TNNT3: variants seen among roughly 807,000 people sequenced by gnomAD.
TNNT3 encodes troponin T, fast skeletal muscle.
TNNT3 carries 36 observed loss-of-function variants against 54.2 expected under a neutral mutation model. The ratio of observed to expected loss-of-function variants is 0.66; its 90% CI spans 0.51 to 0.88. The LOEUF is 0.88. Ranked by LOEUF, TNNT3 falls within the 40% of genes least tolerant of loss-of-function variation. The pLI is 0.00. For synonymous variants in TNNT3, 120 were observed against 109.7 expected (o/e 1.09, Z -0.59); for missense variants, 291 against 331.6 (o/e 0.88, Z 0.95).
At chr11:1,934,298 A>G in intron 11 of TNNT3, 34 bp from the exon 12 acceptor site, 10 of 1,589,254 alleles carry the variant, frequency 6.3e-6, no homozygotes, top group Non-Finnish European at 8.6e-6. Flanking sequence ...CCCTCTCTCC[A>G]TCCCTGAGCA....
intron 11 of TNNT3, 150 bp from the exon 12 acceptor site, chr11:1,934,181 TG>T: frequency 9.5e-7 from 1 of 1,053,078 alleles, no homozygotes; most frequent in Non-Finnish European, 1.4e-6. Context: ...AAACAAATCC[TG>T]GCCAAGACCT....
At chr11:1,938,360 G>A in intron 15 of TNNT3, 78 bp from the exon 16 acceptor site, 1 of 1,521,628 alleles carries the variant, frequency 6.6e-7, no homozygotes, top group Non-Finnish European at 9.1e-7. Flanking sequence ...CGGGCTGAGA[G>A]TCCGCCCAGG....
intron 4 of TNNT3, among the ~76,000 whole-genome samples, chr11:1,924,645 G>A (rs980994203): frequency 7.2e-5 from 11 of 152,196 alleles, no homozygotes; most frequent in African/African-American, 1.7e-4. Flanking sequence ...AAGGGTCTTC[G>A]TGCGACATGT....
At chr11:1,920,997 A>T (rs1050032756) in intron 1 of TNNT3, among the ~76,000 whole-genome samples, 2 of 152,024 alleles carry the variant, frequency 1.3e-5, no homozygotes, top group Non-Finnish European at 2.9e-5. Flanking sequence ...GGGGGCCTGG[A>T]GGTCACCCTG....
intron 15 of TNNT3, among the ~76,000 whole-genome samples, chr11:1,937,566 G>A (rs965347330): frequency 2.0e-5 from 3 of 152,198 alleles, no homozygotes; most frequent in Admixed American, 1.3e-4. Flanking sequence ...GCTGCACCCA[G>A]GGTGCCCCCG....
chr11:1,927,575 G>A (rs996250053), intron 6 of TNNT3, among the ~76,000 whole-genome samples: 1 of 152,228 alleles, frequency 6.6e-6, no homozygotes, highest in Non-Finnish European at 1.5e-5. Context: ...AGGTGTCCAG[G>A]AGATAGCCTG....
At chr11:1,938,385 G>A (rs1288918365) in intron 15 of TNNT3, 53 bp from the exon 16 acceptor site, 19 of 1,597,544 alleles carry the variant, frequency 1.2e-5, no homozygotes, top group Non-Finnish European at 1.5e-5. Flanking sequence ...GGGACCAGGA[G>A]GGGCATGGCC....
chr11:1,929,692 C>A, intron 7 of TNNT3, 118 bp from the exon 8 acceptor site: 1 of 1,106,132 alleles, frequency 9.0e-7, no homozygotes, highest in Non-Finnish European at 1.3e-6. Flanking sequence ...CTGAAAAGGA[C>A]GGTGGCCTTC....
chr11:1,936,142 C>T, intron 14 of TNNT3: 4 of 1,581,438 alleles, frequency 2.5e-6, no homozygotes, highest in Admixed American at 3.3e-5. Flanking sequence ...ATCACCAGGC[C>T]AAGCTAGCCC....
rs771485319 is a variant in TNNT3 at position 1,934,463 on chromosome 11, G to C, written c.480+18G>C. 2.5e-6 allele frequency: 4 copies of C among 1,611,966 alleles called. No homozygotes were observed. The African/African-American group carries it at 5.3e-5, about 22-fold the overall frequency. Reference sequence around the variant, plus strand: ...TGGCCAAGGTGTGTGCCGCTGCTGGGAGCACGGTGGTAGCCTTCAGTGTGG... The same window carrying C: ...TGGCCAAGGTGTGTGCCGCTGCTGGCAGCACGGTGGTAGCCTTCAGTGTGG... On this transcript the variant is annotated intron_variant, in intron 12 of 15. Transcript: ENST00000278317.
intron 6 of TNNT3, among the ~76,000 whole-genome samples, chr11:1,927,182 G>A (rs964720774): frequency 6.6e-6 from 1 of 152,226 alleles, no homozygotes; most frequent in Non-Finnish European, 1.5e-5. Context: ...GTGGAGTGAA[G>A]CAGAAAAGCA....
At position 1,922,936 on chromosome 11, in the gene TNNT3, TG is replaced by T. The variant is rs775195011; in HGVS notation, c.17+47del. 3.1e-6 allele frequency: 5 copies of T among 1,613,732 alleles called. No homozygotes were observed. In the East Asian group the frequency reaches 1.1e-4, roughly 36 times the overall value. Reference sequence around the variant, plus strand: ...CTGCCCCCTGCCTGGCTCGGGACCCTGGCCCCTTGGCTTCTGTGGGGCTGGA... The same window carrying T: ...CTGCCCCCTGCCTGGCTCGGGACCCTGCCCCTTGGCTTCTGTGGGGCTGGA... On this transcript the variant is annotated intron_variant, in intron 2 of 15. Transcript: ENST00000278317.
chr11:1,923,043 C>A lies in TNNT3; in HGVS notation c.18-5C>A. Reference sequence around the variant, plus strand: ...TTTCTTTCTCTCTCTCTCCCTGCCCCACAGTGAACAGGTGGAGGGTAAGTG... The same window carrying A: ...TTTCTTTCTCTCTCTCTCCCTGCCCAACAGTGAACAGGTGGAGGGTAAGTG... On this transcript the variant is annotated splice_polypyrimidine_tract_variant and splice_region_variant and intron_variant, in intron 2 of 15. Coordinates refer to ENST00000278317, the MANE Select transcript of TNNT3 (RefSeq NM_006757.4). 1 of 1,614,068 alleles carries A rather than the reference C, an allele frequency of 6.2e-7. No homozygotes were observed.
intron 14 of TNNT3, 44 bp downstream of exon 14, chr11:1,934,963 C>T (rs762716245): frequency 6.3e-7 from 1 of 1,579,636 alleles, no homozygotes; most frequent in Non-Finnish European, 8.7e-7. Context: ...GCGGCTTTCA[C>T]CCACCAGCAG....
rs778613532 is a variant in TNNT3 at position 1,934,630 on chromosome 11, G to A, written c.565G>A (p.Asp189Asn). The A allele has an allele frequency of 6.2e-6, 10 of 1,609,018 alleles. No homozygotes were observed. The highest frequency in any genetic ancestry group is 1.1e-5 in the South Asian group (1 of 90,650). ...TGAGAGACGCAAGCCGCTCAACATC[G>A]ATCACCTTGGTGAAGACAAACTGAG... ...LAERRKPLNI[D>N]HLGEDKLRDK... Residue 189 changes from aspartate to asparagine, a missense_variant, in exon 13 of 16, where the codon GAT becomes AAT. By Grantham distance (23) the Asp-to-Asn change is conservative (BLOSUM62 1). Transcript: ENST00000278317.
intron 5 of TNNT3, 88 bp downstream of exon 5, chr11:1,925,204 A>AT (rs888466835): frequency 1.3e-6 from 2 of 1,530,968 alleles, no homozygotes; most frequent in African/African-American, 2.9e-5. Flanking sequence ...GCCTCTAAGG[A>AT]TTGCTGTGTG....
At chr11:1,928,238 A>T (rs1852190736) in intron 6 of TNNT3, among the ~76,000 whole-genome samples, 1 of 152,230 alleles carries the variant, frequency 6.6e-6, no homozygotes, top group South Asian at 2.1e-4. Flanking sequence ...CTGAAGGGAC[A>T]GGATGGGCGG....
intron 1 of TNNT3, among the ~76,000 whole-genome samples, chr11:1,920,857 C>G (rs1380817665): frequency 6.6e-6 from 1 of 152,176 alleles, no homozygotes; most frequent in Non-Finnish European, 1.5e-5. Context: ...AGCCCCTCCC[C>G]GCAACAGAGG....
intron 4 of TNNT3, among the ~76,000 whole-genome samples, chr11:1,924,744 C>G (rs1851032297): frequency 6.6e-6 from 1 of 152,312 alleles, no homozygotes; most frequent in Non-Finnish European, 1.5e-5. Flanking sequence ...TCCCCGTTCT[C>G]ACTTGTGTCA....
Sources: gnomAD v4.1 joint callset for allele counts (sites outside exome capture counted in the v4.1 genomes callset) on GRCh38, gnomAD v4.1.1 for gene constraint, MANE v1.5 for transcripts, NCBI Gene and HGNC (gene_info 2026-07-23, HGNC 2026-07-21) for gene names.